CLYBL: variants seen among roughly 807,000 people sequenced by gnomAD.
CLYBL encodes the protein citramalyl-CoA lyase.
In CLYBL, 31 loss-of-function variants were observed where a neutral mutation model predicts 38.9. The ratio of observed to expected loss-of-function variants is 0.80; its 90% CI spans 0.60 to 1.08. The LOEUF (loss-of-function observed/expected upper bound fraction) is 1.08. Ranked by LOEUF, CLYBL falls within the 50% of genes least tolerant of loss-of-function variation. CLYBL has a pLI of 0.00. For synonymous variants in CLYBL, 171 were observed against 158.6 expected (o/e 1.08, Z -0.59); for missense variants, 434 against 411.6 (o/e 1.05, Z -0.47).
chr13:99,853,120 T>TAACA (rs1224666632), intron 2 of CLYBL, among the ~76,000 whole-genome samples: 1 of 149,768 alleles, frequency 6.7e-6, no homozygotes, highest in Non-Finnish European at 1.5e-5. Flanking sequence ...GCCATTGTTC[T>TAACA]AACATCTTTA....
At chr13:99,900,495 G>C (rs927746103), downstream of CLYBL, among the ~76,000 whole-genome samples, 1 of 152,072 alleles carries the variant, frequency 6.6e-6, no homozygotes, top group African/African-American at 2.4e-5. Flanking sequence ...ACCCTTAAGG[G>C]CTGGAGGATT....
chr13:99,855,559 A>G (rs2051439661), intron 2 of CLYBL, among the ~76,000 whole-genome samples: 1 of 152,204 alleles, frequency 6.6e-6, no homozygotes, highest in African/African-American at 2.4e-5. Flanking sequence ...GAGAGAGCTG[A>G]GAGCGCTGTT....
chr13:99,745,288 T>C (rs2048829255), intron 1 of CLYBL, among the ~76,000 whole-genome samples: 1 of 152,230 alleles, frequency 6.6e-6, no homozygotes, highest in South Asian at 2.1e-4. Flanking sequence ...AGTTTTATTC[T>C]TTTTGTATTT....
At chr13:99,850,080 C>T (rs1283501714) in intron 2 of CLYBL, among the ~76,000 whole-genome samples, 1 of 152,044 alleles carries the variant, frequency 6.6e-6, no homozygotes, top group African/African-American at 2.4e-5. Flanking sequence ...TCATGACCTT[C>T]GATTAGGCAG....
At chr13:99,847,005 A>G (rs550552726) in intron 2 of CLYBL, among the ~76,000 whole-genome samples, 28 of 152,322 alleles carry the variant, frequency 1.8e-4, no homozygotes, top group African/African-American at 6.5e-4. Flanking sequence ...GGTTTTTGAT[A>G]TCTGTGTGAA....
intron 1 of CLYBL, among the ~76,000 whole-genome samples, chr13:99,749,749 G>A (rs981210606): frequency 6.6e-6 from 1 of 152,134 alleles, no homozygotes; most frequent in African/African-American, 2.4e-5. Context: ...CTAATCTCAC[G>A]AATGGCCCTG....
chr13:99,906,386 A>G (rs1311908178), intron 9 of CLYBL, among the ~76,000 whole-genome samples: 8 of 152,128 alleles, frequency 5.3e-5, no homozygotes, highest in African/African-American at 1.7e-4. Context: ...GTGAGTGAAA[A>G]TCAGAATTTG....
At chr13:99,735,450 C>A (rs2048651939) in intron 1 of CLYBL, among the ~76,000 whole-genome samples, 2 of 152,094 alleles carry the variant, frequency 1.3e-5, no homozygotes, top group African/African-American at 4.8e-5. Flanking sequence ...CCCACCTCAG[C>A]CTCCCAAAGT....
At chr13:99,698,388 T>C (rs1229805154) in intron 1 of CLYBL, among the ~76,000 whole-genome samples, 1 of 151,994 alleles carries the variant, frequency 6.6e-6, no homozygotes, top group Non-Finnish European at 1.5e-5. Context: ...CGTGCCTTGA[T>C]GGAGTTTCTA....
intron 1 of CLYBL, among the ~76,000 whole-genome samples, chr13:99,637,499 G>T (rs2047035472): frequency 1.3e-5 from 2 of 152,164 alleles, no homozygotes; most frequent in Admixed American, 1.3e-4. Flanking sequence ...GGTGGCTCAC[G>T]CCTGTAATCC....
chr13:99,838,093 A>AGTAATTATATATTAGATGTATTTAT (rs1410430062), intron 2 of CLYBL, among the ~76,000 whole-genome samples: 4 of 152,218 alleles, frequency 2.6e-5, no homozygotes, highest in Non-Finnish European at 5.9e-5. Context: ...AATATGCATA[A>AGTAATTATATATTAGATGTATTTAT]GTAATTATAT....
At chr13:99,806,828 T>G (rs1042910680) in intron 2 of CLYBL, among the ~76,000 whole-genome samples, 1 of 152,170 alleles carries the variant, frequency 6.6e-6, no homozygotes, top group African/African-American at 2.4e-5. Context: ...CTGCTGGGAG[T>G]TGGAAGTAAG....
chr13:99,776,121 G>A (rs1376668695), intron 2 of CLYBL, among the ~76,000 whole-genome samples: 4 of 148,746 alleles, frequency 2.7e-5, no homozygotes, highest in Non-Finnish European at 5.9e-5. Context: ...CCGAGATCGT[G>A]CCACTGCACT....
intron 1 of CLYBL, among the ~76,000 whole-genome samples, chr13:99,716,894 C>T (rs771082086): frequency 1.4e-4 from 20 of 141,934 alleles, no homozygotes; most frequent in Admixed American, 3.6e-4. Context: ...CAGGTTCAAG[C>T]GATTCTCCTG....
intron 7 of CLYBL, among the ~76,000 whole-genome samples, chr13:99,875,941 G>C (rs901119979): frequency 6.6e-6 from 1 of 151,978 alleles, no homozygotes. Flanking sequence ...CCAGTTCTTA[G>C]AAAATCTGAG....
chr13:99,674,837 G>A (rs2047620337), intron 1 of CLYBL, among the ~76,000 whole-genome samples: 1 of 152,210 alleles, frequency 6.6e-6, no homozygotes, highest in Non-Finnish European at 1.5e-5. Flanking sequence ...TGCACCAGAT[G>A]TTGCTGCCAC....
rs35027014 is a variant in CLYBL, at chr13:99,732,169, G to GTTTT, written c.63-40636_63-40633dup. Among the ~76,000 whole-genome samples, 351 of 90,734 alleles carry GTTTT rather than the reference G, an allele frequency of 3.9e-3. 3 individuals are homozygous for GTTTT. The highest frequency in any genetic ancestry group is 9.4e-3 in the Middle Eastern group (1 of 106). The allele number at this position is 90,734 out of a possible 152,430, so 59.5% of individuals were successfully genotyped here. A position where few individuals can be genotyped will look rare whatever the true frequency, so the allele number is the denominator to read the frequency against. On this transcript the variant is annotated intron_variant, in intron 1 of 8. Transcript: ENST00000339105. ...TTAGAAATTTCAGCATTATATGGCA[G>GTTTT]TTTTTTTTTTTTTTTTTTTTTTGAG... is the stretch of plus-strand genomic sequence containing the variant.
intron 7 of CLYBL, chr13:99,877,664 C>G (rs2052084540): frequency 3.1e-6 from 1 of 323,490 alleles, no homozygotes; most frequent in Admixed American, 4.4e-5. Context: ...GCAACCTCCG[C>G]CTCCCGGGTT....
At chr13:99,733,504 A>G (rs763272880) in intron 1 of CLYBL, among the ~76,000 whole-genome samples, 1 of 152,206 alleles carries the variant, frequency 6.6e-6, no homozygotes, top group Non-Finnish European at 1.5e-5. Flanking sequence ...CCACCAGTAT[A>G]CAACATAGTG....
Sources: gnomAD v4.1 joint callset for allele counts (sites outside exome capture counted in the v4.1 genomes callset) on GRCh38, gnomAD v4.1.1 for gene constraint, MANE v1.5 for transcripts, NCBI Gene and HGNC (gene_info 2026-07-23, HGNC 2026-07-21) for gene names.